AP1B1: variants seen among roughly 807,000 people sequenced by gnomAD.
AP1B1 encodes adaptor related protein complex 1 subunit beta 1, also known as AP-1 complex subunit beta-1.
Under a neutral mutation model 104.3 loss-of-function variants are expected in AP1B1, and 36 were observed. The observed-to-expected ratio is 0.35, with a 90% CI of 0.26 to 0.46. The LOEUF is 0.46. Among genes scored for constraint, AP1B1 ranks in the 20% least tolerant of loss-of-function variants. AP1B1 has a pLI of 1.00. For synonymous variants in AP1B1, 504 were observed against 517.5 expected (o/e 0.97, Z 0.35); for missense variants, 901 against 1,247.9 (o/e 0.72, Z 4.19).
chr22:29,342,608 T>C (rs1602710954), intron 11 of AP1B1, among the ~76,000 whole-genome samples: 1 of 152,208 alleles, frequency 6.6e-6, no homozygotes, highest in African/African-American at 2.4e-5. Context: ...AGCTGAATAC[T>C]GGACTATTTG....
chr22:29,349,501 T>A, intron 10 of AP1B1, 118 bp from the exon 11 acceptor site: 2 of 1,058,706 alleles, frequency 1.9e-6, no homozygotes, highest in Non-Finnish European at 2.7e-6. Flanking sequence ...AGGTGGCAGG[T>A]AAAGGGGATC....
At chr22:29,349,705 A>G (rs1413851653) in intron 10 of AP1B1, among the ~76,000 whole-genome samples, 1 of 151,928 alleles carries the variant, frequency 6.6e-6, no homozygotes, top group African/African-American at 2.4e-5. Context: ...TAGTAGAAAC[A>G]TGGTTTCACT....
chr22:29,356,730 C>A, intron 5 of AP1B1, 114 bp from the exon 6 acceptor site: 2 of 1,028,124 alleles, frequency 1.9e-6, no homozygotes, highest in East Asian at 2.5e-5. Flanking sequence ...GAATATGACC[C>A]AATGGGCAGG....
At chr22:29,365,487 C>A (rs1569162813) in intron 2 of AP1B1, among the ~76,000 whole-genome samples, 1 of 143,938 alleles carries the variant, frequency 6.9e-6, no homozygotes, top group African/African-American at 2.5e-5. Context: ...GACTCTGTCT[C>A]AAAAAAAAAC....
At chr22:29,329,048 G>A (rs971319735) in intron 22 of AP1B1, 153 bp from the exon 23 acceptor site, 22 of 1,439,678 alleles carry the variant, frequency 1.5e-5, no homozygotes, top group Non-Finnish European at 2.0e-5. Flanking sequence ...GTGAGGTAAA[G>A]CGGAGGGGGC....
At chr22:29,367,756 A>G (rs2062167602) in intron 1 of AP1B1, among the ~76,000 whole-genome samples, 1 of 152,208 alleles carries the variant, frequency 6.6e-6, no homozygotes, top group African/African-American at 2.4e-5. Context: ...GCCTCATCAC[A>G]GCATCATCAA....
intron 11 of AP1B1, 53 bp downstream of exon 11, chr22:29,349,165 G>T: frequency 6.3e-7 from 1 of 1,595,766 alleles, no homozygotes. Context: ...ATGGGCCACA[G>T]TGGGGCTGAG....
chr22:29,349,387 G>C lies in AP1B1; in HGVS notation c.1272-4C>G. ...TGTGGCAATCACACTCTCATACCTG[G>C]GAGACCAGGGCACAGTTGGTATGGG... is the stretch of plus-strand genomic sequence containing the variant. On this transcript the variant is annotated splice_region_variant and splice_polypyrimidine_tract_variant and intron_variant, in intron 10 of 22. Transcript: ENST00000357586. The C allele has an allele frequency of 1.2e-6, 2 of 1,613,372 alleles. No individual in the cohort carries two copies. Among genetic ancestry groups the C allele is most frequent in the Non-Finnish European group, 1.7e-6 (2 of 1,179,904 alleles).
At position 29,358,893 on chromosome 22, in the gene AP1B1, C is replaced by CT. The variant is rs770881170; in HGVS notation, c.357dup (p.Glu120ArgfsTer47). The CT allele has an allele frequency of 5.0e-6, 8 of 1,613,762 alleles. No homozygotes were observed. On this transcript the variant is annotated frameshift_variant, in exon 5 of 23. Transcript: ENST00000357586. LOFTEE classifies it high-confidence loss of function. ...TTCCGGAGTGGCTCGCACAGGTACT[C>CT]TGTGATCTTGTCAACGCGGATGCAG...
intron 1 of AP1B1, among the ~76,000 whole-genome samples, chr22:29,376,701 G>C (rs552041638): frequency 6.6e-6 from 1 of 152,256 alleles, no homozygotes; most frequent in South Asian, 2.1e-4. Flanking sequence ...TTCTTCATTT[G>C]GAGCAGAAAG....
chr22:29,330,606 G>C lies in AP1B1; in HGVS notation c.2611+17C>G. The C allele has an allele frequency of 6.2e-7, 1 of 1,613,762 alleles. No individual in the cohort carries two copies. Among genetic ancestry groups the C allele is most frequent in the Non-Finnish European group, 8.5e-7 (1 of 1,179,936 alleles). On this transcript the variant is annotated intron_variant, in intron 20 of 22. Coordinates refer to ENST00000357586, the MANE Select transcript of AP1B1 (RefSeq NM_001127.4). Reference sequence around the variant, plus strand: ...GGTACAGGCGAGGGGCTGGGGTCGGGGGCTCGGAGTCCTCACCTGCATTGA... The same window carrying C: ...GGTACAGGCGAGGGGCTGGGGTCGGCGGCTCGGAGTCCTCACCTGCATTGA...
chr22:29,373,745 T>C (rs2062282217), intron 1 of AP1B1, among the ~76,000 whole-genome samples: 1 of 149,812 alleles, frequency 6.7e-6, no homozygotes, highest in African/African-American at 2.5e-5. Context: ...CTAGTAAAAA[T>C]ACAAAAATTA....
rs1484928063 is a variant in AP1B1 at position 29,339,066 on chromosome 22, C to T, written c.2087G>A (p.Gly696Asp). The T allele has an allele frequency of 1.2e-6, 2 of 1,614,174 alleles. No individual in the cohort carries two copies. The highest frequency in any genetic ancestry group is 1.7e-5 in the Admixed American group (1 of 60,022). Residue 696 changes from glycine to aspartate, a missense_variant, in exon 16 of 23, where the codon GGC becomes GAC. By Grantham distance (94) the Gly-to-Asp change is moderately conservative. Transcript: ENST00000357586. ...GTCAAAGAGGTCACTCAGGCCACTG[C>T]CGATGGGTGCTCCAAGATTGGCTGG... The part of the protein sequence containing the change: ...AVPANLGAPI[G>D]SGLSDLFDLT...
chr22:29,330,741 G>T, intron 19 of AP1B1, 32 bp from the exon 20 acceptor site: 1 of 1,574,290 alleles, frequency 6.4e-7, no homozygotes, highest in South Asian at 1.1e-5. Flanking sequence ...GATGAGAGGC[G>T]AGCCCCTCAT....
chr22:29,341,773 A>G lies in AP1B1; in HGVS notation c.1537-13T>C. 1 of 1,594,254 alleles carries G rather than the reference A, an allele frequency of 6.3e-7. No individual in the cohort carries two copies. The highest frequency in any genetic ancestry group is 8.6e-7 in the Non-Finnish European group (1 of 1,166,206). On this transcript the variant is annotated splice_polypyrimidine_tract_variant and intron_variant, in intron 12 of 22. Coordinates refer to ENST00000357586, the MANE Select transcript of AP1B1 (RefSeq NM_001127.4). Reference sequence around the variant, plus strand: ...GGTTATCTGAGTCCTTGTGGGGGTGAGGAGAAGCCCATGAAACTCAGAGTA... The same window carrying G: ...GGTTATCTGAGTCCTTGTGGGGGTGGGGAGAAGCCCATGAAACTCAGAGTA...
At chr22:29,331,073 T>TGCAGGCC (rs2061550358) in intron 19 of AP1B1, among the ~76,000 whole-genome samples, 1 of 152,090 alleles carries the variant, frequency 6.6e-6, no homozygotes, top group Non-Finnish European at 1.5e-5. Context: ...AGGGGCAGGG[T>TGCAGGCC]GCAGGCCGTC....
intron 6 of AP1B1, 54 bp downstream of exon 6, chr22:29,356,372 C>A: frequency 6.5e-7 from 1 of 1,549,312 alleles, no homozygotes; most frequent in Admixed American, 1.8e-5. Context: ...GGTTGGAGCC[C>A]CTGAGGACCA....
At chr22:29,374,603 G>A (rs1284441400) in intron 1 of AP1B1, among the ~76,000 whole-genome samples, 1 of 152,198 alleles carries the variant, frequency 6.6e-6, no homozygotes, top group East Asian at 1.9e-4. Flanking sequence ...AACTGATAAA[G>A]AGCCAAGAGT....
rs1275360126 is a variant in AP1B1, at chr22:29,331,613, A to G, written c.2440-80T>C. 4 of 1,586,624 alleles carry G rather than the reference A, an allele frequency of 2.5e-6. No individual in the cohort carries two copies. The Admixed American group carries it at 6.7e-5, about 26-fold the overall frequency. ...CCCCAGGAAGAGTGTCACTGAGCAGATTCTCTCCCAGGGCCTTCCCTGGTA... is the reference window on the plus strand; with the variant it reads ...CCCCAGGAAGAGTGTCACTGAGCAGGTTCTCTCCCAGGGCCTTCCCTGGTA... On this transcript the variant is annotated intron_variant, in intron 18 of 22. Coordinates refer to ENST00000357586, the MANE Select transcript of AP1B1 (RefSeq NM_001127.4).
Sources: allele counts gnomAD v4.1 joint callset (sites outside exome capture counted in the v4.1 genomes callset), GRCh38; gene constraint gnomAD v4.1.1; transcripts MANE v1.5; gene names NCBI Gene and HGNC (gene_info 2026-07-23, HGNC 2026-07-21).